The following AQR variants were observed in gnomAD, a reference collection of about 807,000 sequenced individuals.
AQR encodes the protein RNA helicase aquarius.
AQR carries 61 observed loss-of-function variants against 180.5 expected under a neutral mutation model. The observed-to-expected ratio is 0.34, with a 90% confidence interval of 0.28 to 0.42. The LOEUF is 0.42. AQR is among the 10% of genes least tolerant of loss of function. The probability of loss-of-function intolerance (pLI) is 1.00; values close to 1 mark genes in which losing one functional copy is unlikely to be tolerated. For synonymous variants in AQR, 551 were observed against 588.8 expected (o/e 0.94, Z 0.93); for missense variants, 1,281 against 1,798.3 (o/e 0.71, Z 5.20).
At chr15:34,949,077 C>G (rs557148816) in intron 4 of AQR, among the ~76,000 whole-genome samples, 55 of 151,990 alleles carry the variant, frequency 3.6e-4, no homozygotes, top group African/African-American at 1.3e-3. Context: ...ACAGCAACCT[C>G]CACCTCCCGG....
In AQR at chr15:34,875,922, T is replaced by C. The variant is rs1416337309; in HGVS notation, c.3237+13A>G. The C allele has an allele frequency of 6.3e-7, 1 of 1,592,342 alleles. No individual in the cohort carries two copies. Among genetic ancestry groups the C allele is most frequent in the Non-Finnish European group, 8.6e-7 (1 of 1,160,966 alleles). ...AACTCTATTTTCTTTGCCTCAGATC[T>C]TATATTTCTTACCTGTAGAAGAAGA... On this transcript the variant is annotated intron_variant, in intron 28 of 34. Coordinates refer to ENST00000156471, the MANE Select transcript of AQR (RefSeq NM_014691.3).
intron 4 of AQR, among the ~76,000 whole-genome samples, chr15:34,951,060 TC>T (rs2140503212): frequency 6.6e-6 from 1 of 152,352 alleles, no homozygotes; most frequent in Admixed American, 6.5e-5. Flanking sequence ...TCTCTTTTCT[TC>T]AGACTTAAGG....
chr15:34,887,123 T>C (rs1215821861), intron 24 of AQR, among the ~76,000 whole-genome samples: 1 of 147,502 alleles, frequency 6.8e-6, no homozygotes, highest in Non-Finnish European at 1.5e-5. Context: ...AGACTCCGTC[T>C]CAAAAAAAAA....
intron 19 of AQR, among the ~76,000 whole-genome samples, chr15:34,901,349 A>G (rs1893328631): frequency 6.6e-6 from 1 of 152,224 alleles, no homozygotes; most frequent in African/African-American, 2.4e-5. Context: ...GTCACAACTT[A>G]GAAATATTAA....
chr15:34,946,865 C>A (rs1894134093), intron 5 of AQR, among the ~76,000 whole-genome samples: 1 of 146,994 alleles, frequency 6.8e-6, no homozygotes, highest in Non-Finnish European at 1.5e-5. Flanking sequence ...CCCAGCCAGC[C>A]GCCCCGTCCG....
At chr15:34,963,661 C>CTTTTTTTTTCTTTTTTTTTTT (rs1566793151) in intron 2 of AQR, among the ~76,000 whole-genome samples, 1 of 148,682 alleles carries the variant, frequency 6.7e-6, no homozygotes, top group African/African-American at 2.5e-5. Context: ...TACACGTACA[C>CTTTTTTTTTCTTTTTTTTTTT]TTTTTTTTTT....
At chr15:34,927,174 G>T in intron 12 of AQR, 36 bp from the exon 13 acceptor site, 1 of 1,225,780 alleles carries the variant, frequency 8.2e-7, no homozygotes, top group Non-Finnish European at 1.1e-6. Context: ...AATAATTAAT[G>T]TCTACATATT....
At chr15:34,897,424 A>G (rs1893263434) in intron 21 of AQR, 135 bp downstream of exon 21, 1 of 1,006,618 alleles carries the variant, frequency 9.9e-7, no homozygotes, top group East Asian at 2.4e-5. Flanking sequence ...GACTGACAGA[A>G]TAGAAAGAAA....
At chr15:34,944,225 C>G in intron 6 of AQR, 63 bp downstream of exon 6, 1 of 1,460,256 alleles carries the variant, frequency 6.8e-7, no homozygotes, top group Non-Finnish European at 9.2e-7. Flanking sequence ...GTAATTTCAT[C>G]TAAACTCAAC....
chr15:34,968,545 C>T (rs539345858), intron 1 of AQR, among the ~76,000 whole-genome samples: 64 of 151,964 alleles, frequency 4.2e-4, no homozygotes, highest in African/African-American at 1.5e-3. Context: ...GGCGTGAGCC[C>T]CTGCGCCCGG....
At chr15:34,872,148 C>A (rs1165540964) in intron 30 of AQR, among the ~76,000 whole-genome samples, 1 of 152,118 alleles carries the variant, frequency 6.6e-6, no homozygotes, top group Non-Finnish European at 1.5e-5. Context: ...GAAGCATTAA[C>A]AATAAAACAA....
chr15:34,969,734 G>A lies in AQR; in HGVS notation c.-121C>T, dbSNP rs1339023380. On this transcript the variant is annotated 5_prime_UTR_variant, in exon 1 of 35. Coordinates refer to ENST00000156471, the MANE Select transcript of AQR (RefSeq NM_014691.3). ...TAACTCCGCGCCGCACAAACGCTCC[G>A]GGCCGGATATCCTCAGCCTTCAGAG... 1.7e-5 allele frequency: 17 copies of A among 974,982 alleles called. No individual in the cohort carries two copies. Among genetic ancestry groups the A allele is most frequent in the Admixed American group, 5.5e-5 (2 of 36,672 alleles). 60.4% of individuals were successfully genotyped at this position (974,982 alleles called of 1,614,324 possible).
intron 33 of AQR, 21 bp from the exon 34 acceptor site, chr15:34,860,176 CG>C (rs1566977668): frequency 7.5e-7 from 1 of 1,330,624 alleles, no homozygotes; most frequent in East Asian, 2.4e-5. Context: ...GAAAAAAGAA[CG>C]TTAAGTATCT....
At chr15:34,928,069 G>A (rs1893792068) in intron 12 of AQR, among the ~76,000 whole-genome samples, 1 of 152,136 alleles carries the variant, frequency 6.6e-6, no homozygotes, top group South Asian at 2.1e-4. Flanking sequence ...CAAGGGCAGA[G>A]ACAGGACAAA....
Position 34,912,826 on chromosome 15 carries a change from C to A in AQR, c.1484+2212G>T, listed in dbSNP as rs189256453. ...ATGAAGTACTGCAGAATACAACATACCTACAAAGATAAACTGCCTCCTATG... is the reference window on the plus strand; with the variant it reads ...ATGAAGTACTGCAGAATACAACATAACTACAAAGATAAACTGCCTCCTATG... On this transcript the variant is annotated intron_variant, in intron 16 of 34. Transcript: ENST00000156471. 5.6e-3 allele frequency among the ~76,000 whole-genome samples: 858 copies of A among 152,194 alleles called. 3 individuals carry two copies. The highest frequency in any genetic ancestry group is 7.9e-3 in the Non-Finnish European group (538 of 67,982).
At chr15:34,909,209 G>A (rs745428360) in intron 17 of AQR, among the ~76,000 whole-genome samples, 7 of 152,128 alleles carry the variant, frequency 4.6e-5, no homozygotes, top group Non-Finnish European at 1.0e-4. Flanking sequence ...TTTCCTTCTG[G>A]CATGCCAAGA....
At chr15:34,964,212 T>C (rs1393215329) in intron 2 of AQR, 22 bp downstream of exon 2, 4 of 1,551,746 alleles carry the variant, frequency 2.6e-6, no homozygotes, top group East Asian at 4.5e-5. Context: ...TCAAGAATTA[T>C]GTTGAAACCA....
In AQR at chr15:34,856,626, C is replaced by T. The variant is rs183601264; in HGVS notation, c.*166G>A. On this transcript the variant is annotated 3_prime_UTR_variant, in exon 35 of 35. Coordinates refer to ENST00000156471, the MANE Select transcript of AQR (RefSeq NM_014691.3). ...AAATGAAACTAGAATTGTTCATACA[C>T]ATAATTTAAAAAAATATATTCAAGA... is the stretch of plus-strand genomic sequence containing the variant. 1.7e-5 allele frequency: 9 copies of T among 540,076 alleles called. No individual in the cohort carries two copies. Among genetic ancestry groups the T allele is most frequent in the East Asian group, 3.0e-5 (1 of 32,822 alleles). The allele number at this position is 540,076 out of a possible 1,614,324, so 33.5% of individuals were successfully genotyped here.
Position 34,856,956 on chromosome 15 carries a change from C to A in AQR, c.4294G>T (p.Ala1432Ser). ...CTGGGGGTGGTGTCAGTTTGAAAGG[C>A]TGGAGTTTCTTGACGGCAGCTGGTG... ...TDTSCRQETP[A>S]FQTDTTPSET... Residue 1432 changes from alanine to serine, a missense_variant, in exon 35 of 35, where the codon GCC becomes TCC. Coordinates refer to ENST00000156471, the MANE Select transcript of AQR (RefSeq NM_014691.3). The A allele has an allele frequency of 6.2e-7, 1 of 1,614,078 alleles. No individual in the cohort carries two copies. The highest frequency in any genetic ancestry group is 8.5e-7 in the Non-Finnish European group (1 of 1,180,008).
Sources: gnomAD v4.1 joint callset for allele counts (sites outside exome capture counted in the v4.1 genomes callset) on GRCh38, gnomAD v4.1.1 for gene constraint, MANE v1.5 for transcripts, NCBI Gene and HGNC (gene_info 2026-07-23, HGNC 2026-07-21) for gene names.